Variants in PCDHA2 observed in about 807,000 individuals in gnomAD.
PCDHA2 encodes the protein protocadherin alpha-2.
Under a neutral mutation model 66.0 loss-of-function variants are expected in PCDHA2, and 58 were observed. That is an observed-to-expected ratio of 0.88 (90% CI 0.71 to 1.09). PCDHA2 has a LOEUF of 1.09. Among genes scored for constraint, PCDHA2 ranks in the 50% least tolerant of loss-of-function variants. The pLI, the probability that PCDHA2 is intolerant of heterozygous loss-of-function variation, is 0.00. For missense variants in PCDHA2, 1,267 were observed against 1,242.3 expected (o/e 1.02, Z -0.30); for synonymous variants, 634 against 554.0 (o/e 1.14, Z -2.03).
At chr5:140,933,721 C>T (rs957167505) in intron 1 of PCDHA2, among the ~76,000 whole-genome samples, 1 of 151,982 alleles carries the variant, frequency 6.6e-6, no homozygotes, top group African/African-American at 2.4e-5. Flanking sequence ...ATTGGTGATA[C>T]AGCTTTCTTA....
At chr5:140,805,174 C>T (rs1328978883) in intron 1 of PCDHA2, 2 of 1,510,004 alleles carry the variant, frequency 1.3e-6, no homozygotes, top group African/African-American at 1.4e-5. Flanking sequence ...TGTACTGATG[C>T]TATGCCAAAT....
Position 141,011,146 on chromosome 5 carries a change from C to T in PCDHA2, c.*1209C>T, listed in dbSNP as rs1180133019. On this transcript the variant is annotated 3_prime_UTR_variant, in exon 4 of 4. Transcript: ENST00000526136. ...TATGTGCACTTTGATACACAACCTT[C>T]TCTAACCAACTATATATCAAGACCC... The T allele has an allele frequency of 6.5e-6, 1 of 153,746 alleles. No individual in the cohort carries two copies. The highest frequency in any genetic ancestry group is 2.1e-4 in the South Asian group (1 of 4,824). The allele number at this position is 153,746 out of a possible 1,614,324, so 9.5% of individuals were successfully genotyped here.
chr5:140,842,711 G>A lies in PCDHA2; in HGVS notation c.2388+45359G>A, dbSNP rs1554139301. ...CGCGCAGCCCGAGTACACGGTGTTC[G>A]TGAAGGAGAACAACCCGCCGGGCTG... On this transcript the variant is annotated intron_variant, in intron 1 of 3. Coordinates refer to ENST00000526136, the MANE Select transcript of PCDHA2 (RefSeq NM_018905.3). The A allele has an allele frequency of 2.5e-6, 4 of 1,595,274 alleles. No individual in the cohort carries two copies. The South Asian group carries it at 4.4e-5, about 18-fold the overall frequency.
At chr5:140,898,622 A>C (rs1286354840) in intron 1 of PCDHA2, among the ~76,000 whole-genome samples, 1 of 152,172 alleles carries the variant, frequency 6.6e-6, no homozygotes, top group Admixed American at 6.5e-5. Context: ...GTCAGGTAGC[A>C]TAATGCCTCC....
At chr5:140,914,562 C>A (rs2076761052) in intron 1 of PCDHA2, among the ~76,000 whole-genome samples, 1 of 152,190 alleles carries the variant, frequency 6.6e-6, no homozygotes, top group East Asian at 1.9e-4. Flanking sequence ...AGAGTTTAGT[C>A]CATTTACATT....
At chr5:140,848,345 G>A (rs1781463859) in intron 1 of PCDHA2, 3 of 918,556 alleles carry the variant, frequency 3.3e-6, no homozygotes, top group South Asian at 3.3e-5. Context: ...GACAAATACA[G>A]CCCTTTTCCC....
At chr5:140,838,077 A>ATAGT (rs1203070308) in intron 1 of PCDHA2, among the ~76,000 whole-genome samples, 13 of 80,664 alleles carry the variant, frequency 1.6e-4, no homozygotes, top group Non-Finnish European at 3.2e-4. Flanking sequence ...ATATATATAT[A>ATAGT]GTGTGTGTGT....
chr5:140,829,381 G>A (rs2150166852), intron 1 of PCDHA2: 10 of 1,614,200 alleles, frequency 6.2e-6, no homozygotes, highest in African/African-American at 1.3e-5. Context: ...CGCGGGACGG[G>A]GGCTCGCCTT....
At chr5:140,927,780 T>C (rs1189193877) in intron 1 of PCDHA2, 5 of 1,614,090 alleles carry the variant, frequency 3.1e-6, no homozygotes, top group African/African-American at 1.3e-5. Flanking sequence ...TGCAAGTAGC[T>C]GCTTCACTAG....
At chr5:140,890,718 T>A (rs2062769103) in intron 1 of PCDHA2, among the ~76,000 whole-genome samples, 1 of 152,212 alleles carries the variant, frequency 6.6e-6, no homozygotes, top group Non-Finnish European at 1.5e-5. Context: ...AAAATCTTTT[T>A]AATCCCTTTT....
intron 1 of PCDHA2, chr5:140,871,063 G>A (rs377081112): frequency 1.2e-6 from 2 of 1,613,272 alleles, no homozygotes; most frequent in Non-Finnish European, 1.7e-6. Flanking sequence ...GAAGGATCAC[G>A]GTGAGCCGGC....
In PCDHA2 at chr5:140,797,341, T is replaced by C. The variant is rs1762213820; in HGVS notation, c.2377T>C (p.Tyr793His). The C allele has an allele frequency of 3.1e-6, 5 of 1,613,962 alleles. No homozygotes were observed. The highest frequency in any genetic ancestry group is 2.5e-6 in the Non-Finnish European group (3 of 1,179,942). ...AGAGAAACAGCTCTCAGAATCAGAA[T>C]ACGTAGGAAAGGTGAGTCTTTTACT... ...AEEKQLSESE[Y>H]VGKPRQPNPD... The change falls in exon 1 of 4, where the codon TAC becomes CAC. Residue 793 changes from tyrosine to histidine, a missense_variant. Physicochemically the swap from Tyr to His is moderately conservative, Grantham distance 83. Coordinates refer to ENST00000526136, the MANE Select transcript of PCDHA2 (RefSeq NM_018905.3).
chr5:140,856,253 A>T lies in PCDHA2; in HGVS notation c.2388+58901A>T, dbSNP rs545226629. On this transcript the variant is annotated intron_variant, in intron 1 of 3. Coordinates refer to ENST00000526136, the MANE Select transcript of PCDHA2 (RefSeq NM_018905.3). ...GCGCCTGTTCCGGGTGGCGTCCAAA[A>T]GACACGGGGACCTTCTGGAGGTAAA... The T allele has an allele frequency of 1.3e-6, 2 of 1,598,032 alleles. 1 individual carries two copies. The highest frequency in any genetic ancestry group is 2.7e-5 in the African/African-American group (2 of 74,378).
intron 1 of PCDHA2, chr5:140,865,841 T>C (rs1371165787): frequency 1.3e-5 from 2 of 152,176 alleles, no homozygotes; most frequent in African/African-American, 4.8e-5. Flanking sequence ...CTTTAGTAAG[T>C]CATTTCTCTG....
Position 141,010,168 on chromosome 5 carries a change from C to T in PCDHA2, c.*231C>T. The T allele has an allele frequency of 6.4e-7, 1 of 1,561,094 alleles. No individual in the cohort carries two copies. On this transcript the variant is annotated 3_prime_UTR_variant, in exon 4 of 4. Coordinates refer to ENST00000526136, the MANE Select transcript of PCDHA2 (RefSeq NM_018905.3). Reference sequence around the variant, plus strand: ...TCTCCACTCTGGCTTGTTTTCAGAACCTAAAAAGCAGACCCAAGTTTCCTT... The same window carrying T: ...TCTCCACTCTGGCTTGTTTTCAGAATCTAAAAAGCAGACCCAAGTTTCCTT...
chr5:141,009,791 CCTA>C lies in PCDHA2; in HGVS notation c.2705_2707del (p.Thr902del), dbSNP rs2098414479. 1.2e-6 allele frequency: 2 copies of C among 1,613,966 alleles called. No homozygotes were observed. Among genetic ancestry groups the C allele is most frequent in the African/African-American group, 2.7e-5 (2 of 74,882 alleles). On this transcript the variant is annotated inframe_deletion, in exon 4 of 4. Coordinates refer to ENST00000526136, the MANE Select transcript of PCDHA2 (RefSeq NM_018905.3). ...TGCAATCATCTCCATCCGGCAGGAGCCTACTAACAGCCAAATTGACAAAAGTGA... is the reference window on the plus strand; with the variant it reads ...TGCAATCATCTCCATCCGGCAGGAGCCTAACAGCCAAATTGACAAAAGTGA...
chr5:140,827,149 A>T (rs1024962565), intron 1 of PCDHA2, among the ~76,000 whole-genome samples: 5 of 152,210 alleles, frequency 3.3e-5, no homozygotes, highest in Admixed American at 6.5e-5. Flanking sequence ...AGGGATGCAG[A>T]TATGGATTTG....
chr5:140,828,502 A>G (rs1418351723), intron 1 of PCDHA2: 1 of 1,614,104 alleles, frequency 6.2e-7, no homozygotes, highest in African/African-American at 1.3e-5. Context: ...CGGTAGAGGA[A>G]CAAAGAGTGC....
At chr5:140,989,321 C>A (rs898791820) in intron 3 of PCDHA2, among the ~76,000 whole-genome samples, 6 of 152,178 alleles carry the variant, frequency 3.9e-5, no homozygotes, top group Non-Finnish European at 7.3e-5. Flanking sequence ...GTCTCACCAA[C>A]TTTGCCACCT....
Sources: gnomAD v4.1 joint callset for allele counts (sites outside exome capture counted in the v4.1 genomes callset) on GRCh38, gnomAD v4.1.1 for gene constraint, MANE v1.5 for transcripts, NCBI Gene and HGNC (gene_info 2026-07-23, HGNC 2026-07-21) for gene names.